STRBP: variants seen among roughly 807,000 people sequenced by gnomAD.
The protein encoded by STRBP is spermatid perinuclear RNA binding protein.
A neutral mutation model predicts 80.1 loss-of-function variants in STRBP; 13 were observed. The ratio of observed to expected loss-of-function variants is 0.16; its 90% confidence interval spans 0.11 to 0.26. STRBP has a LOEUF of 0.26. STRBP is among the 10% of genes least tolerant of loss of function. The pLI, the probability that STRBP is intolerant of heterozygous loss-of-function variation, is 1.00. For synonymous variants in STRBP, 284 were observed against 291.2 expected (o/e 0.98, Z 0.25); for missense variants, 485 against 815.2 (o/e 0.59, Z 4.93).
At chr9:123,160,083 T>C (rs1297513290) in intron 8 of STRBP, among the ~76,000 whole-genome samples, 1 of 152,184 alleles carries the variant, frequency 6.6e-6, no homozygotes, top group Admixed American at 6.5e-5. Flanking sequence ...CAGTGCAAAG[T>C]CAAGTGTAAG....
At chr9:123,257,437 C>G (rs369704987) in intron 1 of STRBP, among the ~76,000 whole-genome samples, 24 of 151,768 alleles carry the variant, frequency 1.6e-4, no homozygotes, top group Admixed American at 1.4e-3. Flanking sequence ...CACACACACA[C>G]AGACACACAC....
At chr9:123,165,045 G>A (rs2037693195) in intron 6 of STRBP, among the ~76,000 whole-genome samples, 1 of 151,938 alleles carries the variant, frequency 6.6e-6, no homozygotes, top group Admixed American at 6.6e-5. Flanking sequence ...CACTTTGGGA[G>A]GCCGAGGCAG....
chr9:123,233,923 G>A (rs764540136), intron 2 of STRBP, among the ~76,000 whole-genome samples: 5 of 152,100 alleles, frequency 3.3e-5, no homozygotes, highest in Admixed American at 6.6e-5. Flanking sequence ...AAACTAGGCC[G>A]GGCGCGGTGG....
rs59308998 is a variant in STRBP at position 123,122,440 on chromosome 9, TAAA to T, written c.*3154_*3156del. The T allele has an allele frequency of 6.8e-3, 7,061 of 1,035,670 alleles. No individual in the cohort carries two copies. Among genetic ancestry groups the T allele is most frequent in the South Asian group, 0.027 (1,311 of 47,740 alleles). The allele number at this position is 1,035,670 out of a possible 1,614,324, so 64.2% of individuals were successfully genotyped here. On this transcript the variant is annotated 3_prime_UTR_variant, in exon 19 of 19. Transcript: ENST00000348403. ...TGATTTTCAAACATTCACCCAAAATTAAAAAAAAAAAAAAAAAGAAAAGGCCAA... is the reference window on the plus strand; with the variant it reads ...TGATTTTCAAACATTCACCCAAAATTAAAAAAAAAAAAAAGAAAAGGCCAA...
intron 3 of STRBP, among the ~76,000 whole-genome samples, chr9:123,183,186 C>T (rs2038559501): frequency 6.6e-6 from 1 of 151,786 alleles, no homozygotes; most frequent in Non-Finnish European, 1.5e-5. Context: ...GCTTGTAATC[C>T]CAGCACTTTG....
Position 123,136,016 on chromosome 9 carries a change from G to A in STRBP, c.1773+25C>T, listed in dbSNP as rs201301880. On this transcript the variant is annotated intron_variant, in intron 16 of 18. Coordinates refer to ENST00000348403, the MANE Select transcript of STRBP (RefSeq NM_018387.5). The surrounding 1 kb of genome is among the most constrained non-coding windows in gnomAD (Gnocchi z 4.2). ...TCCTCTAACATTTTTCACAGGTTCT[G>A]CAAAGGTTTAATGTTTACTCATACC... 1.9e-6 allele frequency: 3 copies of A among 1,611,180 alleles called. No homozygotes were observed. The highest frequency in any genetic ancestry group is 2.7e-5 in the African/African-American group (2 of 74,760).
At chr9:123,148,324 G>A (rs1261709711) in intron 11 of STRBP, among the ~76,000 whole-genome samples, 1 of 152,162 alleles carries the variant, frequency 6.6e-6, no homozygotes, top group African/African-American at 2.4e-5. Context: ...CCATCTATGA[G>A]CAATGAGCCC....
chr9:123,143,044 C>T (rs1418518708), intron 13 of STRBP, among the ~76,000 whole-genome samples: 1 of 152,034 alleles, frequency 6.6e-6, no homozygotes, highest in East Asian at 1.9e-4. Context: ...TACTAGGGGC[C>T]AAGAATGAAA....
intron 2 of STRBP, among the ~76,000 whole-genome samples, chr9:123,219,694 T>C (rs2040009677): frequency 6.6e-6 from 1 of 152,236 alleles, no homozygotes; most frequent in Non-Finnish European, 1.5e-5. Context: ...CTTTGATGTC[T>C]CACAGACTTG....
chr9:123,119,225 C>A (rs751908179), downstream of STRBP, among the ~76,000 whole-genome samples: 1 of 152,100 alleles, frequency 6.6e-6, no homozygotes, highest in Non-Finnish European at 1.5e-5. Flanking sequence ...TTGCTTTCTA[C>A]CTACTAAACA....
chr9:123,130,210 T>C (rs991522846), intron 17 of STRBP, among the ~76,000 whole-genome samples: 3 of 152,110 alleles, frequency 2.0e-5, no homozygotes, highest in African/African-American at 7.2e-5. Flanking sequence ...AGTAACTGAG[T>C]TGCCAGGGGA....
intron 16 of STRBP, 83 bp from the exon 17 acceptor site, chr9:123,133,051 A>C: frequency 6.5e-7 from 1 of 1,535,736 alleles, no homozygotes; most frequent in Non-Finnish European, 8.8e-7. Context: ...CACAACAACT[A>C]TGAGAAACTG....
chr9:123,252,451 G>T (rs1242296165), intron 1 of STRBP, among the ~76,000 whole-genome samples: 1 of 152,190 alleles, frequency 6.6e-6, no homozygotes, highest in Non-Finnish European at 1.5e-5. Flanking sequence ...ACTCTTCACA[G>T]TACATTTCTG....
intron 4 of STRBP, among the ~76,000 whole-genome samples, chr9:123,175,211 T>C (rs895876296): frequency 6.6e-6 from 1 of 152,158 alleles, no homozygotes; most frequent in African/African-American, 2.4e-5. Flanking sequence ...GACCACAACA[T>C]TCAGGTCCCT....
At chr9:123,148,179 C>T (rs2036900432) in intron 11 of STRBP, among the ~76,000 whole-genome samples, 1 of 152,104 alleles carries the variant, frequency 6.6e-6, no homozygotes, top group African/African-American at 2.4e-5. Context: ...GAAACTTAAT[C>T]CCCAGTGCAG....
chr9:123,217,655 AAAACTAT>A (rs2039939944), intron 2 of STRBP, among the ~76,000 whole-genome samples: 1 of 152,232 alleles, frequency 6.6e-6, no homozygotes, highest in East Asian at 1.9e-4. Context: ...AACCTCCCTT[AAAACTAT>A]AATTAGCTAC....
chr9:123,180,667 T>C (rs914942379), intron 3 of STRBP, among the ~76,000 whole-genome samples: 2 of 152,182 alleles, frequency 1.3e-5, no homozygotes, highest in African/African-American at 2.4e-5. Context: ...AGAAAATGAA[T>C]GAATTTCATG....
intron 3 of STRBP, chr9:123,112,924 T>C (rs918696870): frequency 6.0e-6 from 1 of 167,084 alleles, no homozygotes; most frequent in Non-Finnish European, 1.5e-5. Flanking sequence ...CGAACTTAGA[T>C]TGGAGACAGA....
rs971280250 is a variant in STRBP at position 123,151,202 on chromosome 9, A to C, written c.1046-3332T>G. On this transcript the variant is annotated intron_variant, in intron 11 of 18. Coordinates refer to ENST00000348403, the MANE Select transcript of STRBP (RefSeq NM_018387.5). ...CAGGCAGAAAATCTGAAACGATAAA[A>C]GAGCCAAAAATCTATAAATGAAAAA... Among the ~76,000 whole-genome samples the C allele has an allele frequency of 2.6e-5, 4 of 152,322 alleles. 1 individual carries two copies. In the South Asian group the frequency reaches 6.2e-4, roughly 24 times the overall value.
Sources: gnomAD v4.1 joint callset for allele counts (sites outside exome capture counted in the v4.1 genomes callset) on GRCh38, gnomAD v4.1.1 for gene constraint, Gnocchi (gnomAD v3.1) non-coding constraint, MANE v1.5 for transcripts, NCBI Gene and HGNC (gene_info 2026-07-23, HGNC 2026-07-21) for gene names.